CEP170B: variants seen among roughly 807,000 people sequenced by gnomAD.
CEP170B encodes centrosomal protein 170B.
CEP170B carries 55 observed loss-of-function variants against 120.6 expected under a neutral mutation model. The observed-to-expected ratio is 0.46, with a 90% confidence interval of 0.37 to 0.57. CEP170B has a LOEUF of 0.57. Among genes scored for constraint, CEP170B ranks in the 20% least tolerant of loss-of-function variants. The probability of loss-of-function intolerance (pLI) is 0.00; values close to 1 mark genes in which losing one functional copy is unlikely to be tolerated. For missense variants in CEP170B, 2,212 were observed against 2,253.3 expected (o/e 0.98, Z 0.37); for synonymous variants, 1,033 against 954.5 (o/e 1.08, Z -1.52).
chr14:104,877,863 C>A (rs770473202), intron 3 of CEP170B, 22 bp from the exon 4 acceptor site: 49 of 1,166,974 alleles, frequency 4.2e-5, no homozygotes, highest in Middle Eastern at 2.2e-4. Context: ...CCCCCCCCCC[C>A]CCGCCACCTG....
intron 3 of CEP170B, among the ~76,000 whole-genome samples, chr14:104,877,389 C>T (rs970052986): frequency 6.6e-6 from 1 of 152,196 alleles, no homozygotes; most frequent in Non-Finnish European, 1.5e-5. Flanking sequence ...ACAGACCTGC[C>T]TCCCACCTGC....
At position 104,893,004 on chromosome 14, in the gene CEP170B, GC is replaced by G; in HGVS notation, c.3909del (p.Ile1304SerfsTer2). 1 of 1,576,882 alleles carries G rather than the reference GC, an allele frequency of 6.3e-7. No homozygotes were observed. Among genetic ancestry groups the G allele is most frequent in the African/African-American group, 1.3e-5 (1 of 74,106 alleles). ...GAGCCAGACGCTGGTGAAGGACGTG[GC>G]CATCCTAGCCCAGGAGATCCACGAT... ...RLSQTLVKDV[A>X]ILAQEIHDVA... On this transcript the variant is annotated frameshift_variant, in exon 14 of 19. Coordinates refer to ENST00000414716, the MANE Select transcript of CEP170B (RefSeq NM_001112726.3). LOFTEE classifies it high-confidence loss of function.
chr14:104,876,479 C>T (rs1395753801), intron 3 of CEP170B, 134 bp downstream of exon 3: 19 of 775,684 alleles, frequency 2.4e-5, no homozygotes, highest in Non-Finnish European at 2.1e-6. Flanking sequence ...TCAGTTCTGC[C>T]TCCTCCCCCA....
intron 2 of CEP170B, among the ~76,000 whole-genome samples, chr14:104,871,541 C>T (rs981502610): frequency 1.3e-5 from 2 of 152,144 alleles, no homozygotes; most frequent in Non-Finnish European, 2.9e-5. Flanking sequence ...TTGCTTTCGG[C>T]GCCACATCTT....
chr14:104,869,293 G>A (rs72700152), intron 2 of CEP170B, among the ~76,000 whole-genome samples: 4,392 of 152,298 alleles, frequency 0.029, 80 homozygotes, highest in Middle Eastern at 0.078. Context: ...AGCGTGGCAC[G>A]TGGGCCCCTG....
rs1462324333 is a variant in CEP170B at position 104,896,570 on chromosome 14, C to A, written c.*1612C>A. ...TTCCTGCTCCTCCCCACACTGAGCTCCTTTGTTCCTCCCCCTCCAGCCTTT... is the reference window on the plus strand; with the variant it reads ...TTCCTGCTCCTCCCCACACTGAGCTACTTTGTTCCTCCCCCTCCAGCCTTT... On this transcript the variant is annotated 3_prime_UTR_variant, in exon 19 of 19. Coordinates refer to ENST00000414716, the MANE Select transcript of CEP170B (RefSeq NM_001112726.3). The A allele has an allele frequency of 2.0e-5, 9 of 456,010 alleles. No homozygotes were observed. Among genetic ancestry groups the A allele is most frequent in the Admixed American group, 9.4e-5 (4 of 42,548 alleles). The allele number at this position is 456,010 out of a possible 1,614,324, so 28.2% of individuals were successfully genotyped here. A position where few individuals can be genotyped will look rare whatever the true frequency, so the allele number is the denominator to read the frequency against.
chr14:104,883,452 G>A lies in CEP170B; in HGVS notation c.995G>A (p.Gly332Glu). Residue 332 changes from glycine (G) to glutamate (E), a missense_variant, in exon 8 of 19, where the codon GGG (glycine) becomes GAG (glutamate). Gly to Glu is a moderately conservative substitution (Grantham distance 98). Transcript: ENST00000414716. Reference protein sequence around the residue: ...DPSLLHRVGPGDDRHSTKSDL... With the variant: ...DPSLLHRVGPEDDRHSTKSDL... ...AGCCTGCTGCACCGGGTTGGCCCTG[G>A]GGATGACCGCCACAGCACCAAGAGC... 1 of 1,562,164 alleles carries A rather than the reference G, an allele frequency of 6.4e-7. No homozygotes were observed. Among genetic ancestry groups the A allele is most frequent in the Non-Finnish European group, 8.7e-7 (1 of 1,154,390 alleles).
At chr14:104,878,031 T>C (rs998664354) in intron 4 of CEP170B, 68 bp downstream of exon 4, 19 of 1,298,168 alleles carry the variant, frequency 1.5e-5, no homozygotes, top group Admixed American at 3.9e-5. Context: ...GTCACCCTGT[T>C]ACTCCAGAAG....
Position 104,877,963 on chromosome 14 carries a change from G to C in CEP170B, c.274G>C (p.Asp92His), listed in dbSNP as rs771018551. The change falls in exon 4 of 19, where the codon GAT (aspartate) becomes CAT (histidine). Residue 92 changes from aspartate (D) to histidine (H), a missense_variant and splice_region_variant. By Grantham distance (81) the Asp-to-His change is moderately conservative. Transcript: ENST00000414716. ...CAACGATGTCATCCGCTTCGGCTACGATATCCTGCCCCTGAGCGTCCCTCC... is the reference window on the plus strand; with the variant it reads ...CAACGATGTCATCCGCTTCGGCTACCATATCCTGCCCCTGAGCGTCCCTCC... ...KLNDVIRFGY[D>H]SNMYVLERVQ... 5 of 1,605,222 alleles carry C rather than the reference G, an allele frequency of 3.1e-6. No homozygotes were observed. The highest frequency in any genetic ancestry group is 3.4e-6 in the Non-Finnish European group (4 of 1,176,724).
chr14:104,890,634 GTGGA>G (rs1377386737), intron 13 of CEP170B, among the ~76,000 whole-genome samples: 49 of 123,162 alleles, frequency 4.0e-4, no homozygotes, highest in African/African-American at 1.1e-3. Context: ...GAGTGGGTGG[GTGGA>G]TGGATGGATG....
chr14:104,894,428 T>C, intron 17 of CEP170B, 50 bp downstream of exon 17: 1 of 1,602,362 alleles, frequency 6.2e-7, no homozygotes, highest in Non-Finnish European at 8.5e-7. Context: ...CCAGCCTGCC[T>C]TTGCCTGGCT....
At chr14:104,885,197 C>T (rs574844244) in intron 9 of CEP170B, among the ~76,000 whole-genome samples, 172 bp from the exon 10 acceptor site, 2 of 152,104 alleles carry the variant, frequency 1.3e-5, no homozygotes, top group Non-Finnish European at 2.9e-5. Context: ...GGGCTGGGTC[C>T]GTATCCCATC....
At chr14:104,883,638 C>A in intron 8 of CEP170B, 130 bp downstream of exon 8, 1 of 1,138,408 alleles carries the variant, frequency 8.8e-7, no homozygotes, top group Non-Finnish European at 1.2e-6. Flanking sequence ...AGTTAATTGC[C>A]TAAGAGCCAC....
At chr14:104,871,719 C>T (rs1341708440) in intron 2 of CEP170B, among the ~76,000 whole-genome samples, 1 of 152,256 alleles carries the variant, frequency 6.6e-6, no homozygotes, top group African/African-American at 2.4e-5. Context: ...GGAGCCGCAG[C>T]AGCAGGAGTT....
chr14:104,876,198 C>T (rs1895837116), intron 2 of CEP170B, 58 bp from the exon 3 acceptor site: 2 of 1,513,648 alleles, frequency 1.3e-6, no homozygotes, highest in East Asian at 2.5e-5. Flanking sequence ...GTGCCTCTGC[C>T]TCTTGGGTGT....
Position 104,865,680 on chromosome 14 carries a change from A to C in CEP170B, c.-28+167A>C, listed in dbSNP as rs1319283361. Among the ~76,000 whole-genome samples the C allele has an allele frequency of 6.6e-6, 1 of 151,334 alleles. No individual in the cohort carries two copies. Among genetic ancestry groups the C allele is most frequent in the Non-Finnish European group, 1.5e-5 (1 of 67,774 alleles). On this transcript the variant is annotated intron_variant, in intron 1 of 18. Coordinates refer to ENST00000414716, the MANE Select transcript of CEP170B (RefSeq NM_001112726.3). The surrounding 1 kb of genome is among the most constrained non-coding windows in gnomAD (Gnocchi z 6.7). ...GTCAGGCGGGTCCCCGCCGCCGCGG[A>C]GGCGGCCCTGGTCTGCGCCAGGCCG...
chr14:104,877,861 C>CA, intron 3 of CEP170B, 24 bp from the exon 4 acceptor site: 2 of 1,175,918 alleles, frequency 1.7e-6, no homozygotes, highest in Admixed American at 2.3e-5. Context: ...TCCCCCCCCC[C>CA]CCCCGCCACC....
At position 104,893,796 on chromosome 14, in the gene CEP170B, C is replaced by G; in HGVS notation, c.4218C>G (p.Ser1406=). The G allele has an allele frequency of 6.2e-7, 1 of 1,612,340 alleles. No homozygotes were observed. Among genetic ancestry groups the G allele is most frequent in the South Asian group, 1.1e-5 (1 of 90,892 alleles). ...ATAACCTGATGCTGAACCCGGTGTC[C>G]CAGCTGTCGCAGGCCATCCGTGAGA... ...IFDNLMLNPV[S]QLSQAIRENT... Residue 1406 remains serine (S), a synonymous_variant, in exon 16 of 19, where the codon TCC becomes TCG. Transcript: ENST00000414716.
rs1896857982 is a variant in CEP170B at position 104,891,567 on chromosome 14, G to A, written c.3879-1409G>A. 6.6e-6 allele frequency among the ~76,000 whole-genome samples: 1 copy of A among 152,054 alleles called. No homozygotes were observed. The highest frequency in any genetic ancestry group is 2.4e-5 in the African/African-American group (1 of 41,360). On this transcript the variant is annotated intron_variant, in intron 13 of 18. Coordinates refer to ENST00000414716, the MANE Select transcript of CEP170B (RefSeq NM_001112726.3). The surrounding 1 kb of genome is among the most constrained non-coding windows in gnomAD (Gnocchi z 4.3). ...GGGACAGGGCTCTTGGGATGCTTGA[G>A]GTATTGGGGGAGCATAGGGAAGAAG...
Sources: allele counts gnomAD v4.1 joint callset (sites outside exome capture counted in the v4.1 genomes callset), GRCh38; gene constraint gnomAD v4.1.1; non-coding constraint Gnocchi (gnomAD v3.1); transcripts MANE v1.5; gene names NCBI Gene and HGNC (gene_info 2026-07-23, HGNC 2026-07-21).